Variants in SGCZ observed in about 807,000 individuals in gnomAD.
SGCZ encodes sarcoglycan zeta, also known as zeta-sarcoglycan.
In SGCZ, 40 loss-of-function variants were observed where a neutral mutation model predicts 41.3. The observed-to-expected ratio is 0.97, with a 90% CI of 0.75 to 1.26. The LOEUF is 1.26. Ranked by LOEUF, SGCZ falls within the 50% of genes most tolerant of loss-of-function variation. SGCZ has a pLI of 0.00. For missense variants in SGCZ, 552 were observed against 369.8 expected, an observed-to-expected ratio of 1.49 and a Z score of -4.04; for synonymous variants, 206 against 137.5, an observed-to-expected ratio of 1.50 and a Z score of -3.49.
chr8:15,219,584 C>T (rs1018861143), intron 1 of SGCZ, among the ~76,000 whole-genome samples: 3 of 152,078 alleles, frequency 2.0e-5, no homozygotes, highest in Non-Finnish European at 4.4e-5. Flanking sequence ...GTACACTGTT[C>T]GTATCCCATT....
chr8:14,927,207 G>C lies in SGCZ; in HGVS notation c.39+310378C>G, dbSNP rs1338424416. 3.5e-5 allele frequency among the ~76,000 whole-genome samples: 5 copies of C among 143,888 alleles called. No homozygotes were observed. The South Asian group carries it at 1.1e-3, about 32-fold the overall frequency. The allele number at this position is 143,888 out of a possible 152,430, so 94.4% of individuals were successfully genotyped here. ...CACTGCAAGCTCCGCCTCCGAGGTT[G>C]ACGCCATTCTCCTGCCTCACCCTCC... is the stretch of plus-strand genomic sequence containing the variant. On this transcript the variant is annotated intron_variant, in intron 1 of 7. Transcript: ENST00000382080.
intron 2 of SGCZ, among the ~76,000 whole-genome samples, chr8:14,419,862 C>A (rs1445683056): frequency 6.6e-6 from 1 of 151,962 alleles, no homozygotes; most frequent in Admixed American, 6.6e-5. Flanking sequence ...AAAGTCCAAT[C>A]TTTATGCCGA....
chr8:14,888,998 C>G (rs1401829971), intron 1 of SGCZ, among the ~76,000 whole-genome samples: 5 of 152,104 alleles, frequency 3.3e-5, no homozygotes, highest in Non-Finnish European at 7.4e-5. Flanking sequence ...TGCCAATTTT[C>G]AAAACCTACA....
chr8:14,114,711 G>A (rs59398265), intron 5 of SGCZ, among the ~76,000 whole-genome samples: 27,129 of 151,786 alleles, frequency 0.18, 3,298 homozygotes, highest in East Asian at 0.65. Context: ...GTACATTTCA[G>A]AAATAAGTTG....
chr8:14,456,602 G>A (rs1378777991), intron 2 of SGCZ, among the ~76,000 whole-genome samples: 1 of 152,138 alleles, frequency 6.6e-6, no homozygotes, highest in Admixed American at 6.5e-5. Context: ...GTTACCTATT[G>A]AGGGGATGGA....
chr8:15,111,649 C>G (rs576019347), intron 1 of SGCZ, among the ~76,000 whole-genome samples: 130 of 152,244 alleles, frequency 8.5e-4, no homozygotes, highest in African/African-American at 2.7e-3. Flanking sequence ...CGCCTGTAAT[C>G]GCAGCACTTT....
chr8:14,582,418 C>T (rs1585098936), intron 1 of SGCZ, among the ~76,000 whole-genome samples: 1 of 152,058 alleles, frequency 6.6e-6, no homozygotes, highest in South Asian at 2.1e-4. Context: ...TAAATACATA[C>T]ATATATGCAC....
chr8:14,437,454 A>G (rs1800126148), intron 2 of SGCZ, among the ~76,000 whole-genome samples: 1 of 152,180 alleles, frequency 6.6e-6, no homozygotes, highest in Non-Finnish European at 1.5e-5. Flanking sequence ...TCTATTAAGC[A>G]TACATTAAAG....
intron 1 of SGCZ, among the ~76,000 whole-genome samples, chr8:15,079,374 A>T (rs1419420468): frequency 6.6e-6 from 1 of 152,112 alleles, no homozygotes. Flanking sequence ...CTTCAGTCCT[A>T]TATTTTTTTC....
At chr8:15,153,149 T>C (rs1799229997) in intron 1 of SGCZ, among the ~76,000 whole-genome samples, 1 of 152,192 alleles carries the variant, frequency 6.6e-6, no homozygotes, top group Admixed American at 6.5e-5. Flanking sequence ...AGTACAATTT[T>C]AGATGTACAG....
intron 1 of SGCZ, among the ~76,000 whole-genome samples, chr8:14,976,025 TA>T (rs939854154): frequency 5.4e-5 from 8 of 146,876 alleles, no homozygotes; most frequent in African/African-American, 9.9e-5. Flanking sequence ...TACACATATA[TA>T]TTTTTTTTTT....
At chr8:14,350,188 AC>A (rs1803038371) in intron 2 of SGCZ, among the ~76,000 whole-genome samples, 1 of 152,070 alleles carries the variant, frequency 6.6e-6, no homozygotes, top group Non-Finnish European at 1.5e-5. Flanking sequence ...AGATCTGGAG[AC>A]ATTAATCTGT....
At chr8:15,202,595 C>T (rs1441266106) in intron 1 of SGCZ, among the ~76,000 whole-genome samples, 1 of 151,952 alleles carries the variant, frequency 6.6e-6, no homozygotes, top group African/African-American at 2.4e-5. Flanking sequence ...GAAATCACCA[C>T]CAAAGAATTT....
chr8:14,829,177 G>C (rs1389073677), intron 1 of SGCZ, among the ~76,000 whole-genome samples: 1 of 151,966 alleles, frequency 6.6e-6, no homozygotes, highest in Non-Finnish European at 1.5e-5. Context: ...TATTTTTCTT[G>C]ATCCTCTCCC....
chr8:14,421,260 T>C (rs560631742), intron 2 of SGCZ, among the ~76,000 whole-genome samples: 30 of 152,146 alleles, frequency 2.0e-4, no homozygotes, highest in Non-Finnish European at 1.9e-4. Context: ...CCACACCTTC[T>C]CTTTTTAGAT....
At chr8:14,835,331 T>C (rs1802661014) in intron 1 of SGCZ, among the ~76,000 whole-genome samples, 1 of 152,222 alleles carries the variant, frequency 6.6e-6, no homozygotes, top group Admixed American at 6.5e-5. Context: ...TCTGTAGTTA[T>C]ACATTAAAAG....
chr8:14,401,661 C>T (rs947189145), intron 2 of SGCZ, among the ~76,000 whole-genome samples: 52 of 151,596 alleles, frequency 3.4e-4, no homozygotes, highest in Non-Finnish European at 5.7e-4. Context: ...TGTATATGTG[C>T]CACATTTTCT....
intron 2 of SGCZ, among the ~76,000 whole-genome samples, chr8:14,368,539 C>A (rs923675035): frequency 6.6e-6 from 1 of 152,000 alleles, no homozygotes; most frequent in African/African-American, 2.4e-5. Context: ...CATTTTATTT[C>A]TTTAGTACAC....
chr8:14,550,064 G>T (rs961870994), intron 2 of SGCZ, among the ~76,000 whole-genome samples: 5 of 151,936 alleles, frequency 3.3e-5, no homozygotes, highest in Non-Finnish European at 1.5e-5. Context: ...TCTTGTACTT[G>T]TGCAAATGTA....
Sources: allele counts gnomAD v4.1 joint callset (sites outside exome capture counted in the v4.1 genomes callset), GRCh38; gene constraint gnomAD v4.1.1; transcripts MANE v1.5; gene names NCBI Gene and HGNC (gene_info 2026-07-23, HGNC 2026-07-21).